The following RNF19B variants were observed in gnomAD, a reference collection of about 807,000 sequenced individuals.
The protein encoded by RNF19B is E3 ubiquitin-protein ligase RNF19B.
RNF19B carries 23 observed loss-of-function variants against 65.5 expected under a neutral mutation model. The observed-to-expected ratio is 0.35, with a 90% CI of 0.25 to 0.50. The LOEUF (loss-of-function observed/expected upper bound fraction) is 0.50, where lower values mean the gene tolerates loss of function less well. Among genes scored for constraint, RNF19B ranks in the 20% least tolerant of loss-of-function variants. The pLI, the probability that RNF19B is intolerant of heterozygous loss-of-function variation, is 0.98. For missense variants in RNF19B, 794 were observed against 980.0 expected, an observed-to-expected ratio of 0.81 and a Z score of 2.53; for synonymous variants, 372 against 379.6, an observed-to-expected ratio of 0.98 and a Z score of 0.23.
downstream of RNF19B, among the ~76,000 whole-genome samples, chr1:32,934,783 C>T (rs776897052): frequency 2.0e-5 from 3 of 152,284 alleles, no homozygotes; most frequent in East Asian, 1.9e-4. Flanking sequence ...TCAGGTTTCA[C>T]GAGTCTTCTA....
chr1:32,947,152 A>C (rs1009883119), intron 3 of RNF19B, among the ~76,000 whole-genome samples: 1 of 152,190 alleles, frequency 6.6e-6, no homozygotes. Context: ...AGGGATAAAC[A>C]ATTTTGAAAA....
intron 1 of RNF19B, among the ~76,000 whole-genome samples, chr1:32,951,447 G>A (rs1207503115): frequency 6.6e-6 from 1 of 152,224 alleles, no homozygotes; most frequent in Non-Finnish European, 1.5e-5. Flanking sequence ...ACATGCAGGA[G>A]CCACCAGTGG....
At chr1:32,942,204 C>G (rs963917945) in intron 7 of RNF19B, 48 bp downstream of exon 7, 18 of 1,483,728 alleles carry the variant, frequency 1.2e-5, no homozygotes, top group Admixed American at 7.0e-5. Flanking sequence ...CAATGTGTTA[C>G]TTCTTATAAT....
At chr1:32,944,616 T>TA (rs972454354) in intron 5 of RNF19B, among the ~76,000 whole-genome samples, 4 of 152,170 alleles carry the variant, frequency 2.6e-5, no homozygotes, top group Non-Finnish European at 4.4e-5. Context: ...GCTTAGCTGT[T>TA]AAGAGAACAG....
chr1:32,955,553 A>G (rs1181461672), intron 1 of RNF19B, among the ~76,000 whole-genome samples: 3 of 151,622 alleles, frequency 2.0e-5, no homozygotes, highest in Admixed American at 1.3e-4. Context: ...AACATGGCAA[A>G]ACCCCATCTC....
chr1:32,936,791 A>G lies in RNF19B; in HGVS notation c.*15T>C, dbSNP rs1182339069. 1 of 1,528,486 alleles carries G rather than the reference A, an allele frequency of 6.5e-7. No homozygotes were observed. Among genetic ancestry groups the G allele is most frequent in the South Asian group, 1.3e-5 (1 of 76,612 alleles). The allele number at this position is 1,528,486 out of a possible 1,614,324, so 94.7% of individuals were successfully genotyped here. On this transcript the variant is annotated 3_prime_UTR_variant, in exon 9 of 9. Transcript: ENST00000235150. Reference sequence around the variant, plus strand: ...TTACAAGTGTGCTTCTCAGAACAGGAGCATTCATTCCACTTCATACTCTGG... The same window carrying G: ...TTACAAGTGTGCTTCTCAGAACAGGGGCATTCATTCCACTTCATACTCTGG...
rs764275409 is a variant in RNF19B, at chr1:32,937,001, C to T, written c.2001G>A (p.Glu667=). The T allele has an allele frequency of 4.3e-6, 7 of 1,614,176 alleles. No homozygotes were observed. The South Asian group carries it at 6.6e-5, about 15-fold the overall frequency. The change falls in exon 9 of 9, where the codon GAG becomes GAA. Residue 667 remains glutamate, a synonymous_variant. Coordinates refer to ENST00000235150, the MANE Select transcript of RNF19B (RefSeq NM_001300826.2). The part of the protein sequence containing the change: ...AQPESIRSDL[E]SSDAQSDDVP... ...CATCGTCTGACTGTGCATCAGAACT[C>T]TCTAGGTCACTGCGGATGCTTTCAG...
At chr1:32,929,117 G>A in the RNF19B span, among the ~76,000 whole-genome samples, 3 of 152,226 alleles carry the variant, frequency 2.0e-5, no homozygotes, top group South Asian at 2.1e-4. Context: ...TTCCTTCCGC[G>A]GGCTGTGGGG....
intron 1 of RNF19B, among the ~76,000 whole-genome samples, chr1:32,950,996 T>A (rs969816890): frequency 1.3e-5 from 2 of 152,086 alleles, no homozygotes; most frequent in Non-Finnish European, 2.9e-5. Context: ...TGCATCACCA[T>A]GCGCAGCTAA....
intron 6 of RNF19B, 32 bp downstream of exon 6, chr1:32,943,987 A>T: frequency 6.3e-7 from 1 of 1,584,738 alleles, no homozygotes; most frequent in Non-Finnish European, 8.6e-7. Context: ...TATATCATAA[A>T]TTCAAATGGA....
intron 1 of RNF19B, among the ~76,000 whole-genome samples, chr1:32,953,137 T>C (rs1009651564): frequency 1.6e-4 from 24 of 151,584 alleles, no homozygotes; most frequent in African/African-American, 5.8e-4. Flanking sequence ...CTTTTTTCTT[T>C]TTATTTTTTT....
At chr1:32,941,178 G>A (rs1642221421) in intron 7 of RNF19B, among the ~76,000 whole-genome samples, 1 of 151,974 alleles carries the variant, frequency 6.6e-6, no homozygotes. Context: ...AGCCATGATT[G>A]TGCCACTGCA....
chr1:32,932,485 G>A (rs950639804), downstream of RNF19B, among the ~76,000 whole-genome samples: 1 of 152,156 alleles, frequency 6.6e-6, no homozygotes, highest in African/African-American at 2.4e-5. Context: ...TCAGAACCTT[G>A]GTTTCAAGGA....
At chr1:32,933,428 G>GT, downstream of RNF19B, among the ~76,000 whole-genome samples, 1 of 152,110 alleles carries the variant, frequency 6.6e-6, no homozygotes, top group South Asian at 2.1e-4. Flanking sequence ...CTAATTTTGT[G>GT]TATTTTTAGT....
downstream of RNF19B, among the ~76,000 whole-genome samples, chr1:32,933,325 G>C (rs1046656553): frequency 4.6e-5 from 7 of 151,830 alleles, no homozygotes; most frequent in African/African-American, 1.7e-4. Flanking sequence ...CGCAATCTCA[G>C]CTCACTGCAA....
intron 4 of RNF19B, 80 bp from the exon 5 acceptor site, chr1:32,945,708 T>C: frequency 2.6e-6 from 2 of 769,624 alleles, no homozygotes. Context: ...CAGGTGAATA[T>C]TCACTTGTAA....
chr1:32,931,867 T>G (rs1642032950), downstream of RNF19B, among the ~76,000 whole-genome samples: 1 of 152,242 alleles, frequency 6.6e-6, no homozygotes, highest in Non-Finnish European at 1.5e-5. Flanking sequence ...ACATTTCATT[T>G]CAGGTGACCA....
intron 1 of RNF19B, among the ~76,000 whole-genome samples, chr1:32,956,876 C>A (rs1049950274): frequency 1.3e-5 from 2 of 152,116 alleles, no homozygotes; most frequent in Non-Finnish European, 2.9e-5. Context: ...TACAAATAGA[C>A]CCCTAGTAGG....
At chr1:32,953,901 C>CT (rs1180002582) in intron 1 of RNF19B, among the ~76,000 whole-genome samples, 6,240 of 84,154 alleles carry the variant, frequency 0.074, 309 homozygotes, top group Non-Finnish European at 0.096. Context: ...GCCCCCACTT[C>CT]TTTTTTTTTT....
Sources: gnomAD v4.1 joint callset for allele counts (sites outside exome capture counted in the v4.1 genomes callset) on GRCh38, gnomAD v4.1.1 for gene constraint, MANE v1.5 for transcripts, NCBI Gene and HGNC (gene_info 2026-07-23, HGNC 2026-07-21) for gene names.